FHIT: variants seen among roughly 807,000 people sequenced by gnomAD.
FHIT encodes the protein bis(5'-adenosyl)-triphosphatase.
FHIT carries 19 observed loss-of-function variants against 17.9 expected under a neutral mutation model. That is an observed-to-expected ratio of 1.06 (90% confidence interval 0.74 to 1.56). The LOEUF (loss-of-function observed/expected upper bound fraction) is 1.56. FHIT is among the 40% of genes most tolerant of loss of function. The pLI, the probability that FHIT is intolerant of heterozygous loss-of-function variation, is 0.00. For synonymous variants in FHIT, 81 were observed against 69.7 expected (o/e 1.16, Z -0.81); for missense variants, 248 against 189.2 (o/e 1.31, Z -1.82).
At chr3:60,162,856 G>A (rs1701000469) in intron 5 of FHIT, among the ~76,000 whole-genome samples, 1 of 152,062 alleles carries the variant, frequency 6.6e-6, no homozygotes, top group Non-Finnish European at 1.5e-5. Context: ...ATTATAATTG[G>A]AATTTTTGAC....
chr3:60,286,189 C>A (rs1412473117), intron 5 of FHIT, among the ~76,000 whole-genome samples: 1 of 152,164 alleles, frequency 6.6e-6, no homozygotes, highest in African/African-American at 2.4e-5. Context: ...TGACAAGAAT[C>A]TGGAACACCA....
At chr3:61,154,358 A>G (rs1020713452) in intron 2 of FHIT, among the ~76,000 whole-genome samples, 1 of 152,210 alleles carries the variant, frequency 6.6e-6, no homozygotes, top group Non-Finnish European at 1.5e-5. Context: ...GACAGAAAAC[A>G]TGATAATGTA....
At chr3:60,085,888 T>G (rs762407365) in intron 5 of FHIT, among the ~76,000 whole-genome samples, 8 of 152,230 alleles carry the variant, frequency 5.3e-5, no homozygotes, top group Non-Finnish European at 1.0e-4. Context: ...TCATTTAAGG[T>G]GGCTCCTCCT....
At chr3:60,156,847 ACT>A (rs1228618544) in intron 5 of FHIT, among the ~76,000 whole-genome samples, 1 of 152,040 alleles carries the variant, frequency 6.6e-6, no homozygotes, top group African/African-American at 2.4e-5. Context: ...ATGAATTGTG[ACT>A]CTGTCCTCTT....
chr3:60,058,342 G>A (rs1454101350), intron 5 of FHIT, among the ~76,000 whole-genome samples: 4 of 151,906 alleles, frequency 2.6e-5, no homozygotes. Context: ...TGTTGGGCAG[G>A]ATGGTCTGGA....
At chr3:60,974,262 T>A (rs1447099599) in intron 3 of FHIT, among the ~76,000 whole-genome samples, 1 of 152,198 alleles carries the variant, frequency 6.6e-6, no homozygotes, top group Non-Finnish European at 1.5e-5. Context: ...TCTTTTTTCT[T>A]TAGAGAACCT....
intron 5 of FHIT, among the ~76,000 whole-genome samples, chr3:60,463,061 G>C (rs940266436): frequency 1.3e-5 from 2 of 152,126 alleles, no homozygotes; most frequent in African/African-American, 4.8e-5. Flanking sequence ...TCAGGCTTTA[G>C]CATGGCAAGG....
chr3:61,080,223 A>G (rs1024888907), intron 2 of FHIT, among the ~76,000 whole-genome samples: 1 of 152,186 alleles, frequency 6.6e-6, no homozygotes, highest in Non-Finnish European at 1.5e-5. Context: ...AAGATCTAAG[A>G]TGTTCAGGTA....
At chr3:60,938,823 A>G (rs1553773781) in intron 3 of FHIT, among the ~76,000 whole-genome samples, 1 of 152,064 alleles carries the variant, frequency 6.6e-6, no homozygotes, top group African/African-American at 2.4e-5. Context: ...TTCTTTGTGT[A>G]TTTTTATCAT....
At chr3:60,461,456 C>CATTATGTG (rs2032460629) in intron 5 of FHIT, among the ~76,000 whole-genome samples, 1 of 151,950 alleles carries the variant, frequency 6.6e-6, no homozygotes, top group Admixed American at 6.6e-5. Context: ...AACAATATGT[C>CATTATGTG]ATCTTGTTCT....
chr3:60,928,628 A>C (rs1235835210), intron 3 of FHIT, among the ~76,000 whole-genome samples: 4 of 152,028 alleles, frequency 2.6e-5, no homozygotes, highest in Non-Finnish European at 5.9e-5. Context: ...GAAATGGATA[A>C]ATTCCTCGAC....
chr3:59,909,542 C>A (rs1486944119), intron 8 of FHIT, among the ~76,000 whole-genome samples: 2 of 152,182 alleles, frequency 1.3e-5, no homozygotes, highest in Non-Finnish European at 2.9e-5. Context: ...GTTGGCCAGG[C>A]TGGTCTCAAA....
At chr3:60,227,974 G>C (rs1350711001) in intron 5 of FHIT, among the ~76,000 whole-genome samples, 1 of 152,176 alleles carries the variant, frequency 6.6e-6, no homozygotes, top group Non-Finnish European at 1.5e-5. Flanking sequence ...GCTGGAGATA[G>C]TTGCAAGAGG....
chr3:60,569,080 G>T (rs1380763759), intron 4 of FHIT, among the ~76,000 whole-genome samples: 1 of 151,710 alleles, frequency 6.6e-6, no homozygotes, highest in Non-Finnish European at 1.5e-5. Flanking sequence ...CCTGTCTGTG[G>T]CTGAAACCCA....
chr3:60,372,012 G>A (rs1700351492), intron 5 of FHIT, among the ~76,000 whole-genome samples: 1 of 152,064 alleles, frequency 6.6e-6, no homozygotes, highest in Non-Finnish European at 1.5e-5. Context: ...ATACCATAAA[G>A]CCTGAGCTTA....
In FHIT at chr3:60,384,708, A is replaced by AAACAACAAC. The variant is rs111660638; in HGVS notation, c.103+152143_103+152151dup. ...TACAGAAAATCATTACAAAATCTTA[A>AAACAACAAC]AACAACAACAACAACAACAAAAACC... On this transcript the variant is annotated intron_variant, in intron 5 of 9. Transcript: ENST00000492590. Among the ~76,000 whole-genome samples the AAACAACAAC allele has an allele frequency of 1.0e-3, 154 of 151,620 alleles. 2 individuals carry two copies. Among genetic ancestry groups the AAACAACAAC allele is most frequent in the African/African-American group, 3.2e-3 (132 of 41,338 alleles).
chr3:60,052,977 G>A (rs1701943100), intron 5 of FHIT, among the ~76,000 whole-genome samples: 1 of 151,786 alleles, frequency 6.6e-6, no homozygotes, highest in Admixed American at 6.6e-5. Flanking sequence ...TTAAAATAGA[G>A]TCTTCAGTAT....
At chr3:60,168,607 G>T (rs901812652) in intron 5 of FHIT, among the ~76,000 whole-genome samples, 1 of 152,168 alleles carries the variant, frequency 6.6e-6, no homozygotes, top group Non-Finnish European at 1.5e-5. Flanking sequence ...ATTCATATGG[G>T]TTGAGATTAT....
chr3:60,950,180 G>C (rs1451201538), intron 3 of FHIT, among the ~76,000 whole-genome samples: 3 of 152,152 alleles, frequency 2.0e-5, no homozygotes, highest in Admixed American at 6.5e-5. Flanking sequence ...ATTGTCTAAT[G>C]ACACAGTTTT....
Sources: gnomAD v4.1 joint callset for allele counts (sites outside exome capture counted in the v4.1 genomes callset) on GRCh38, gnomAD v4.1.1 for gene constraint, MANE v1.5 for transcripts, NCBI Gene and HGNC (gene_info 2026-07-23, HGNC 2026-07-21) for gene names.